Variants in RALGAPA2 observed in about 807,000 individuals in gnomAD.
RALGAPA2 encodes Ral GTPase activating protein catalytic subunit alpha 2, also known as ral GTPase-activating protein subunit alpha-2.
A neutral mutation model predicts 230.4 loss-of-function variants in RALGAPA2; 139 were observed. The ratio of observed to expected loss-of-function variants is 0.60; its 90% CI spans 0.53 to 0.69. The LOEUF is 0.69. Ranked by LOEUF, RALGAPA2 falls within the 30% of genes least tolerant of loss-of-function variation. The probability of loss-of-function intolerance (pLI) is 0.00; values close to 1 mark genes in which losing one functional copy is unlikely to be tolerated. For missense variants in RALGAPA2, 2,163 were observed against 2,276.0 expected (o/e 0.95, Z 1.01); for synonymous variants, 847 against 837.8 (o/e 1.01, Z -0.19).
rs780285068 is a variant in RALGAPA2, at chr20:20,571,603, A to G, written c.3011T>C (p.Leu1004Pro). The G allele has an allele frequency of 5.0e-6, 8 of 1,610,112 alleles. No homozygotes were observed. Among genetic ancestry groups the G allele is most frequent in the Non-Finnish European group, 5.1e-6 (6 of 1,178,186 alleles). Reference sequence around the variant, plus strand: ...TTTGCCTTCCTTATATTCATTTGGCAGTGTCGCCGCCTGTCAAGGAGATGA... The same window carrying G: ...TTTGCCTTCCTTATATTCATTTGGCGGTGTCGCCGCCTGTCAAGGAGATGA... Reference protein sequence around the residue: ...FASWLFKAATLPNEYKEGKLQ... With the variant: ...FASWLFKAATPPNEYKEGKLQ... The change falls in exon 23 of 40, where the codon CTG becomes CCG. Residue 1004 changes from leucine (L) to proline (P), a missense_variant. Coordinates refer to ENST00000202677, the MANE Select transcript of RALGAPA2 (RefSeq NM_020343.4).
chr20:20,612,978 C>A (rs1327410717), intron 13 of RALGAPA2, among the ~76,000 whole-genome samples: 1 of 152,216 alleles, frequency 6.6e-6, no homozygotes, highest in Non-Finnish European at 1.5e-5. Context: ...AAGCCTTGAT[C>A]ATGGCAACTG....
chr20:20,558,230 T>C (rs180752449), intron 23 of RALGAPA2, among the ~76,000 whole-genome samples: 2 of 152,146 alleles, frequency 1.3e-5, no homozygotes, highest in Non-Finnish European at 2.9e-5. Flanking sequence ...GGTCTTGAAC[T>C]TCTGACCTCA....
At position 20,390,701 on chromosome 20, in the gene RALGAPA2, TAAAA is replaced by T. The variant is rs1471362392; in HGVS notation, c.*2584_*2587del. 1 of 151,140 alleles carries T rather than the reference TAAAA, an allele frequency of 6.6e-6. No homozygotes were observed. Among genetic ancestry groups the T allele is most frequent in the African/African-American group, 2.4e-5 (1 of 40,936 alleles). 9.4% of individuals were successfully genotyped at this position (151,140 alleles called of 1,614,324 possible). A position where few individuals can be genotyped will look rare whatever the true frequency, so the allele number is the denominator to read the frequency against. On this transcript the variant is annotated 3_prime_UTR_variant, in exon 40 of 40. Coordinates refer to ENST00000202677, the MANE Select transcript of RALGAPA2 (RefSeq NM_020343.4). ...TTTGCTTTTCTAAGTAAAAAAAAAA[TAAAA>T]AAGAAACTTGATCATTGCAATTTTC...
At position 20,581,052 on chromosome 20, in the gene RALGAPA2, T is replaced by C. The variant is rs114671470; in HGVS notation, c.2707+1998A>G. Reference sequence around the variant, plus strand: ...CTTATCACATTACAGTTTGTCCTTTTCACAGATGACAAGGTGAACTATTGA... The same window carrying C: ...CTTATCACATTACAGTTTGTCCTTTCCACAGATGACAAGGTGAACTATTGA... On this transcript the variant is annotated intron_variant, in intron 20 of 39. Transcript: ENST00000202677. 3.0e-3 allele frequency among the ~76,000 whole-genome samples: 457 copies of C among 152,340 alleles called. 3 individuals are homozygous for C. Among genetic ancestry groups the C allele is most frequent in the African/African-American group, 0.01 (428 of 41,588 alleles).
intron 10 of RALGAPA2, among the ~76,000 whole-genome samples, chr20:20,624,079 C>T (rs1219033188): frequency 6.6e-6 from 1 of 152,182 alleles, no homozygotes; most frequent in Non-Finnish European, 1.5e-5. Context: ...GTGATCCTAG[C>T]AATTTGGAAC....
At chr20:20,629,705 G>T in intron 9 of RALGAPA2, 115 bp from the exon 10 acceptor site, 1 of 1,093,736 alleles carries the variant, frequency 9.1e-7, no homozygotes, top group Middle Eastern at 3.0e-4. Context: ...TGTGCACAGG[G>T]TACAGCAAAC....
At chr20:20,414,107 C>T (rs1168562661) in intron 37 of RALGAPA2, among the ~76,000 whole-genome samples, 4 of 152,254 alleles carry the variant, frequency 2.6e-5, no homozygotes, top group Admixed American at 6.5e-5. Flanking sequence ...TAAGCTGGCA[C>T]GTGCTGGCCC....
chr20:20,576,467 A>G (rs890119208), intron 20 of RALGAPA2, among the ~76,000 whole-genome samples: 27 of 152,126 alleles, frequency 1.8e-4, no homozygotes, highest in Non-Finnish European at 2.9e-4. Context: ...TCTATTGGAT[A>G]TCTTTCTCAT....
In RALGAPA2 at chr20:20,437,260, T is replaced by A. The variant is rs2060635398; in HGVS notation, c.5496-25112A>T. ...GACCGCCTGGTCACTGAGGCACACATGACTCTGCACCCTCTGACATGCCAC... is the reference window on the plus strand; with the variant it reads ...GACCGCCTGGTCACTGAGGCACACAAGACTCTGCACCCTCTGACATGCCAC... On this transcript the variant is annotated intron_variant, in intron 37 of 39. Coordinates refer to ENST00000202677, the MANE Select transcript of RALGAPA2 (RefSeq NM_020343.4). The surrounding 1 kb of genome is among the most constrained non-coding windows in gnomAD (Gnocchi z 4.1). Among the ~76,000 whole-genome samples, 1 of 152,170 alleles carries A rather than the reference T, an allele frequency of 6.6e-6. No individual in the cohort carries two copies. The highest frequency in any genetic ancestry group is 2.1e-4 in the South Asian group (1 of 4,828).
intron 23 of RALGAPA2, among the ~76,000 whole-genome samples, chr20:20,558,676 G>GA (rs1009439813): frequency 2.7e-5 from 4 of 150,884 alleles, no homozygotes; most frequent in African/African-American, 7.3e-5. Flanking sequence ...TCTTAAGGGG[G>GA]AAAAAAAAGA....
At position 20,393,390 on chromosome 20, in the gene RALGAPA2, TGCCGGCAAAGA is replaced by T. The variant is rs2059638135; in HGVS notation, c.*36-148_*36-138del. On this transcript the variant is annotated intron_variant, in intron 39 of 39. Transcript: ENST00000202677. The stretch of plus-strand genomic sequence containing the variant: ...GGTCTGGTGACCTCCTCCCACGCTA[TGCCGGCAAAGA>T]TGTTTGTTGAATGAATAAACACATG... 7 of 511,548 alleles carry T rather than the reference TGCCGGCAAAGA, an allele frequency of 1.4e-5. No individual in the cohort carries two copies. In the Admixed American group the frequency reaches 3.0e-4, roughly 22 times the overall value. 31.7% of individuals were successfully genotyped at this position (511,548 alleles called of 1,614,324 possible). A position where few individuals can be genotyped will look rare whatever the true frequency, so the allele number is the denominator to read the frequency against.
At chr20:20,630,982 C>T (rs778365912) in intron 9 of RALGAPA2, among the ~76,000 whole-genome samples, 2 of 152,172 alleles carry the variant, frequency 1.3e-5, no homozygotes, top group Non-Finnish European at 2.9e-5. Flanking sequence ...CTTTAACACT[C>T]CTTCCACAGA....
At chr20:20,610,660 C>A (rs1444216486) in intron 14 of RALGAPA2, among the ~76,000 whole-genome samples, 1 of 152,206 alleles carries the variant, frequency 6.6e-6, no homozygotes, top group Non-Finnish European at 1.5e-5. Context: ...TTTCCTCTTC[C>A]TTTCCACAGC....
chr20:20,653,201 A>C (rs2067468267), intron 4 of RALGAPA2, among the ~76,000 whole-genome samples: 1 of 139,490 alleles, frequency 7.2e-6, no homozygotes, highest in African/African-American at 3.1e-5. Context: ...ATCTCAAAAA[A>C]AAAAAAAAAA....
At chr20:20,532,285 T>C (rs1411536473) in intron 26 of RALGAPA2, among the ~76,000 whole-genome samples, 1 of 152,240 alleles carries the variant, frequency 6.6e-6, no homozygotes, top group Non-Finnish European at 1.5e-5. Flanking sequence ...AATTTCACTG[T>C]TAATTCTTCT....
intron 37 of RALGAPA2, among the ~76,000 whole-genome samples, chr20:20,452,639 C>A (rs1256809084): frequency 6.6e-6 from 1 of 152,210 alleles, no homozygotes; most frequent in African/African-American, 2.4e-5. Context: ...TGCTAATGAG[C>A]CTGGCGACAA....
intron 33 of RALGAPA2, 32 bp downstream of exon 33, chr20:20,511,222 G>C: frequency 1.3e-6 from 2 of 1,555,482 alleles, no homozygotes; most frequent in Non-Finnish European, 1.7e-6. Flanking sequence ...AAGACAAACA[G>C]GAAAAAAGTG....
intron 36 of RALGAPA2, among the ~76,000 whole-genome samples, chr20:20,491,131 C>T (rs182189241): frequency 6.6e-6 from 1 of 152,244 alleles, no homozygotes; most frequent in Non-Finnish European, 1.5e-5. Flanking sequence ...AAGATCTGCC[C>T]AAGACACCTA....
intron 16 of RALGAPA2, among the ~76,000 whole-genome samples, chr20:20,599,661 A>G (rs1160602486): frequency 2.6e-5 from 4 of 152,166 alleles, no homozygotes; most frequent in Admixed American, 2.6e-4. Flanking sequence ...TTTTTACCCT[A>G]CTGCCCTTTC....
Sources: gnomAD v4.1 joint callset for allele counts (sites outside exome capture counted in the v4.1 genomes callset) on GRCh38, gnomAD v4.1.1 for gene constraint, Gnocchi (gnomAD v3.1) non-coding constraint, MANE v1.5 for transcripts, NCBI Gene and HGNC (gene_info 2026-07-23, HGNC 2026-07-21) for gene names.